The following TMEM38B variants were observed in gnomAD, a reference collection of about 807,000 sequenced individuals.
TMEM38B encodes the protein transmembrane protein 38B.
A neutral mutation model predicts 28.7 loss-of-function variants in TMEM38B; 24 were observed. The ratio of observed to expected loss-of-function variants is 0.84; its 90% confidence interval spans 0.61 to 1.18. The LOEUF (loss-of-function observed/expected upper bound fraction) is 1.18, where lower values mean the gene tolerates loss of function less well. TMEM38B is among the 50% of genes most tolerant of loss of function. The probability of loss-of-function intolerance (pLI) is 0.00; values close to 1 mark genes in which losing one functional copy is unlikely to be tolerated. For synonymous variants in TMEM38B, 131 were observed against 127.7 expected (o/e 1.03, Z -0.17); for missense variants, 380 against 350.9 (o/e 1.08, Z -0.66).
At chr9:105,769,370 C>T (rs1479134468) in intron 5 of TMEM38B, among the ~76,000 whole-genome samples, 1 of 152,162 alleles carries the variant, frequency 6.6e-6, no homozygotes, top group East Asian at 1.9e-4. Flanking sequence ...GGCTGGAGTG[C>T]AGTGGCATGA....
chr9:105,757,303 A>G (rs1837867822), intron 5 of TMEM38B, among the ~76,000 whole-genome samples: 1 of 152,038 alleles, frequency 6.6e-6, no homozygotes, highest in Admixed American at 6.6e-5. Flanking sequence ...TTCTTTATCT[A>G]CTTGTTGGTT....
At chr9:105,723,950 C>T (rs1383846870) in intron 4 of TMEM38B, among the ~76,000 whole-genome samples, 1 of 152,162 alleles carries the variant, frequency 6.6e-6, no homozygotes, top group Non-Finnish European at 1.5e-5. Flanking sequence ...GTTCTCCTGC[C>T]TCAGCCTCCT....
At chr9:105,694,844 G>T in intron 1 of TMEM38B, 72 bp downstream of exon 1, 1 of 699,656 alleles carries the variant, frequency 1.4e-6, no homozygotes, top group Non-Finnish European at 2.3e-6. Flanking sequence ...AGTCGGGTGG[G>T]TCGGGTGGGT....
chr9:105,714,666 C>T (rs1836030488), intron 2 of TMEM38B, among the ~76,000 whole-genome samples: 1 of 152,158 alleles, frequency 6.6e-6, no homozygotes, highest in South Asian at 2.1e-4. Flanking sequence ...CATATCGAAG[C>T]TCAAATTATC....
At chr9:105,717,376 C>A (rs1836141309) in intron 2 of TMEM38B, among the ~76,000 whole-genome samples, 1 of 151,914 alleles carries the variant, frequency 6.6e-6, no homozygotes, top group African/African-American at 2.4e-5. Context: ...AAGCATATAA[C>A]AAGAGAAAAT....
intron 5 of TMEM38B, among the ~76,000 whole-genome samples, chr9:105,765,111 A>G (rs1445410048): frequency 6.6e-6 from 1 of 152,210 alleles, no homozygotes; most frequent in Admixed American, 6.5e-5. Flanking sequence ...TGGCTATAAA[A>G]TTATTGGACC....
At chr9:105,726,452 G>T (rs1460893370) in intron 4 of TMEM38B, among the ~76,000 whole-genome samples, 1 of 151,352 alleles carries the variant, frequency 6.6e-6, no homozygotes. Context: ...CATTAGCCTC[G>T]GCCTACCCAG....
Position 105,700,952 on chromosome 9 carries a change from G to A in TMEM38B, c.113-4645G>A, listed in dbSNP as rs1353909585. 2.6e-5 allele frequency: 4 copies of A among 152,052 alleles called. No individual in the cohort carries two copies. The South Asian group carries it at 8.3e-4, about 32-fold the overall frequency. The allele number at this position is 152,052 out of a possible 1,614,324, so 9.4% of individuals were successfully genotyped here. Reference sequence around the variant, plus strand: ...TTAAAGAGCCAGAGGCCATGTGCACGGGTTCACATGGCCTGTGGAGGAAAC... The same window carrying A: ...TTAAAGAGCCAGAGGCCATGTGCACAGGTTCACATGGCCTGTGGAGGAAAC... On this transcript the variant is annotated intron_variant, in intron 1 of 5. Transcript: ENST00000374692.
At chr9:105,710,109 C>T (rs557054833) in intron 2 of TMEM38B, among the ~76,000 whole-genome samples, 9 of 152,284 alleles carry the variant, frequency 5.9e-5, no homozygotes, top group East Asian at 5.8e-4. Context: ...ATGTAGTTTT[C>T]GATAACATTC....
At chr9:105,719,543 A>G (rs976050968) in intron 2 of TMEM38B, among the ~76,000 whole-genome samples, 27 of 152,192 alleles carry the variant, frequency 1.8e-4, no homozygotes, top group African/African-American at 6.0e-4. Context: ...TCTACTGAGC[A>G]CAATAAACAA....
At chr9:105,734,865 CTTT>C (rs35839234) in intron 4 of TMEM38B, among the ~76,000 whole-genome samples, 3 of 135,100 alleles carry the variant, frequency 2.2e-5, no homozygotes, top group African/African-American at 5.3e-5. Context: ...GTAGTTGGAT[CTTT>C]TTTTTTTTTT....
chr9:105,762,294 A>C (rs921961975), intron 5 of TMEM38B, among the ~76,000 whole-genome samples: 7 of 151,682 alleles, frequency 4.6e-5, no homozygotes, highest in Admixed American at 2.0e-4. Context: ...TTTAGGGTAC[A>C]TGTGCACAAT....
At chr9:105,708,790 C>G (rs1427141981) in intron 2 of TMEM38B, among the ~76,000 whole-genome samples, 2 of 152,040 alleles carry the variant, frequency 1.3e-5, no homozygotes, top group Admixed American at 6.6e-5. Context: ...TCTCCCATGA[C>G]TATCACATCA....
At chr9:105,751,973 G>A (rs1015670771) in intron 5 of TMEM38B, among the ~76,000 whole-genome samples, 1 of 152,010 alleles carries the variant, frequency 6.6e-6, no homozygotes, top group African/African-American at 2.4e-5. Flanking sequence ...TTTGTGGTTT[G>A]GTAGACTCAG....
intron 1 of TMEM38B, among the ~76,000 whole-genome samples, chr9:105,703,115 G>A (rs958695300): frequency 1.6e-4 from 25 of 152,194 alleles, no homozygotes; most frequent in African/African-American, 4.6e-4. Context: ...TATTGATAGC[G>A]TATTTCAAAC....
chr9:105,737,276 G>C (rs749166388), intron 4 of TMEM38B, among the ~76,000 whole-genome samples: 1 of 152,094 alleles, frequency 6.6e-6, no homozygotes, highest in Non-Finnish European at 1.5e-5. Flanking sequence ...CTAATCCTGG[G>C]GGCAGGGCAC....
chr9:105,767,792 C>T (rs1296150775), intron 5 of TMEM38B, among the ~76,000 whole-genome samples: 2 of 152,082 alleles, frequency 1.3e-5, no homozygotes, highest in East Asian at 3.8e-4. Context: ...GTTCTTGTAT[C>T]CTGTGACCTT....
intron 1 of TMEM38B, among the ~76,000 whole-genome samples, chr9:105,696,860 C>T (rs1835305630): frequency 6.6e-6 from 1 of 152,158 alleles, no homozygotes; most frequent in Admixed American, 6.5e-5. Flanking sequence ...ACACAAGGAA[C>T]AGTAGATAAA....
intron 5 of TMEM38B, chr9:105,758,652 T>G: frequency 1.3e-6 from 1 of 799,502 alleles, no homozygotes; most frequent in South Asian, 1.4e-5. Flanking sequence ...TCCTGCAACT[T>G]AGCCATTTAA....
Sources: gnomAD v4.1 joint callset for allele counts (sites outside exome capture counted in the v4.1 genomes callset) on GRCh38, gnomAD v4.1.1 for gene constraint, MANE v1.5 for transcripts, NCBI Gene and HGNC (gene_info 2026-07-23, HGNC 2026-07-21) for gene names.